The following JARID2 variants were observed in gnomAD, a reference collection of about 807,000 sequenced individuals.
The protein encoded by JARID2 is jumonji and AT-rich interaction domain containing 2, also known as protein Jumonji.
JARID2 carries 21 observed loss-of-function variants against 125.6 expected under a neutral mutation model. That is an observed-to-expected ratio of 0.17 (90% CI 0.12 to 0.24). The LOEUF (loss-of-function observed/expected upper bound fraction) is 0.24. JARID2 is among the 10% of genes least tolerant of loss of function. The pLI is 1.00. For missense variants in JARID2, 1,303 were observed against 1,639.6 expected (o/e 0.79, Z 3.55); for synonymous variants, 736 against 661.6 (o/e 1.11, Z -1.73).
At chr6:15,417,772 TAAA>T (rs1296904879) in intron 3 of JARID2, among the ~76,000 whole-genome samples, 1 of 152,056 alleles carries the variant, frequency 6.6e-6, no homozygotes, top group Non-Finnish European at 1.5e-5. Flanking sequence ...AATAAATAAA[TAAA>T]AAATTCTCAT....
chr6:15,425,206 T>C (rs1009958211), intron 3 of JARID2, among the ~76,000 whole-genome samples: 1 of 152,212 alleles, frequency 6.6e-6, no homozygotes. Context: ...TGGAGTGGCC[T>C]GAGAATTCTG....
At chr6:15,327,341 G>A (rs1189322765) in intron 1 of JARID2, among the ~76,000 whole-genome samples, 3 of 151,942 alleles carry the variant, frequency 2.0e-5, no homozygotes, top group Admixed American at 6.6e-5. Context: ...CTTTTGACTC[G>A]CCTCCACCCC....
chr6:15,314,075 A>AC (rs1762104206), intron 1 of JARID2, among the ~76,000 whole-genome samples: 1 of 152,154 alleles, frequency 6.6e-6, no homozygotes, highest in Admixed American at 6.5e-5. Context: ...GTAGCCATGA[A>AC]CAGTGATGCT....
At position 15,468,729 on chromosome 6, in the gene JARID2, C is replaced by G. The variant is rs368594042; in HGVS notation, c.670+11C>G. 6.3e-7 allele frequency: 1 copy of G among 1,598,070 alleles called. No individual in the cohort carries two copies. The highest frequency in any genetic ancestry group is 8.5e-7 in the Non-Finnish European group (1 of 1,171,868). On this transcript the variant is annotated intron_variant, in intron 5 of 17. Coordinates refer to ENST00000341776, the MANE Select transcript of JARID2 (RefSeq NM_004973.4). ...TTCACAACGGGCATGGTAGGTCCAC[C>G]GTTGAACTTGGATAAGAAAAAATCT...
At chr6:15,396,511 C>T (rs1276199830) in intron 2 of JARID2, among the ~76,000 whole-genome samples, 1 of 152,160 alleles carries the variant, frequency 6.6e-6, no homozygotes, top group Admixed American at 6.5e-5. Context: ...CAGTAGTCCG[C>T]CCATATCCAT....
At chr6:15,279,060 C>T (rs1760652155) in intron 1 of JARID2, among the ~76,000 whole-genome samples, 2 of 150,812 alleles carry the variant, frequency 1.3e-5, no homozygotes, top group Non-Finnish European at 1.5e-5. Context: ...CACTGCACTT[C>T]AGCCTGGGAG....
chr6:15,370,681 C>A (rs1235717274), intron 1 of JARID2, among the ~76,000 whole-genome samples: 1 of 152,066 alleles, frequency 6.6e-6, no homozygotes, highest in East Asian at 1.9e-4. Flanking sequence ...ACTGGTTGAT[C>A]CTGAATGAAG....
rs551057495 is a variant in JARID2 at position 15,376,818 on chromosome 6, G to A, written c.181+2566G>A. On this transcript the variant is annotated intron_variant, in intron 2 of 17. Coordinates refer to ENST00000341776, the MANE Select transcript of JARID2 (RefSeq NM_004973.4). ...TTGGAATCACTGGAAAACAGAATTG[G>A]TATCATGGGAAGAGCTCCTCTTCTG... Among the ~76,000 whole-genome samples, 5 of 152,204 alleles carry A rather than the reference G, an allele frequency of 3.3e-5. No individual in the cohort carries two copies. In the South Asian group the frequency reaches 1.0e-3, roughly 32 times the overall value.
At chr6:15,476,878 AT>A (rs1196169966) in intron 5 of JARID2, among the ~76,000 whole-genome samples, 2 of 152,110 alleles carry the variant, frequency 1.3e-5, no homozygotes, top group Admixed American at 6.5e-5. Flanking sequence ...ATAATTGGTT[AT>A]TTTTTCCAGG....
intron 3 of JARID2, among the ~76,000 whole-genome samples, chr6:15,446,952 G>A (rs919348558): frequency 1.3e-5 from 2 of 152,124 alleles, no homozygotes; most frequent in African/African-American, 4.8e-5. Flanking sequence ...GACCCAGGGT[G>A]GGTCTCACCC....
chr6:15,261,064 T>A (rs1388909355), intron 1 of JARID2, among the ~76,000 whole-genome samples: 1 of 152,204 alleles, frequency 6.6e-6, no homozygotes, highest in Non-Finnish European at 1.5e-5. Flanking sequence ...ACAGTCAGTT[T>A]ACCAAGGAAG....
chr6:15,337,433 G>T (rs533882340), intron 1 of JARID2, among the ~76,000 whole-genome samples: 21 of 152,252 alleles, frequency 1.4e-4, no homozygotes, highest in African/African-American at 4.8e-4. Flanking sequence ...TCCCAGCTTG[G>T]GTGGCTATGC....
At chr6:15,287,483 A>G (rs1761048092) in intron 1 of JARID2, among the ~76,000 whole-genome samples, 1 of 152,224 alleles carries the variant, frequency 6.6e-6, no homozygotes, top group South Asian at 2.1e-4. Context: ...AAATCAGTAT[A>G]AGAGTATTTG....
At chr6:15,453,609 A>C (rs1283018498) in intron 4 of JARID2, among the ~76,000 whole-genome samples, 1 of 152,232 alleles carries the variant, frequency 6.6e-6, no homozygotes, top group East Asian at 1.9e-4. Flanking sequence ...AAACTAGTAC[A>C]TACTTCTCAT....
intron 3 of JARID2, among the ~76,000 whole-genome samples, chr6:15,425,980 T>TTG (rs1561855179): frequency 6.6e-6 from 1 of 152,170 alleles, no homozygotes; most frequent in Non-Finnish European, 1.5e-5. Flanking sequence ...GACGTCCTAA[T>TTG]AGCATGATGT....
At chr6:15,422,543 C>T (rs1343753438) in intron 3 of JARID2, among the ~76,000 whole-genome samples, 1 of 152,164 alleles carries the variant, frequency 6.6e-6, no homozygotes, top group African/African-American at 2.4e-5. Context: ...GCACATGCTG[C>T]TCATCGACAT....
intron 1 of JARID2, among the ~76,000 whole-genome samples, chr6:15,306,474 A>G (rs1442654505): frequency 6.6e-6 from 1 of 151,310 alleles, no homozygotes; most frequent in Non-Finnish European, 1.5e-5. Flanking sequence ...AGCTGGGATT[A>G]CAAACGCCTG....
chr6:15,495,699 G>A (rs1405583611), intron 6 of JARID2, among the ~76,000 whole-genome samples: 1 of 152,194 alleles, frequency 6.6e-6, no homozygotes, highest in Non-Finnish European at 1.5e-5. Flanking sequence ...ACAGGGATAT[G>A]TGTGTGTGTC....
intron 1 of JARID2, among the ~76,000 whole-genome samples, chr6:15,268,670 G>A (rs1246777359): frequency 2.0e-5 from 3 of 152,122 alleles, no homozygotes; most frequent in African/African-American, 4.8e-5. Context: ...ACATGCACAC[G>A]TCTCCCTCTG....
Sources: allele counts gnomAD v4.1 joint callset (sites outside exome capture counted in the v4.1 genomes callset), GRCh38; gene constraint gnomAD v4.1.1; transcripts MANE v1.5; gene names NCBI Gene and HGNC (gene_info 2026-07-23, HGNC 2026-07-21).